Variants in GNB5 observed in about 807,000 individuals in gnomAD.
GNB5 encodes guanine nucleotide-binding protein subunit beta-5.
Under a neutral mutation model 55.3 loss-of-function variants are expected in GNB5, and 37 were observed. That is an observed-to-expected ratio of 0.67 (90% CI 0.51 to 0.88). The LOEUF (loss-of-function observed/expected upper bound fraction) is 0.88. Ranked by LOEUF, GNB5 falls within the 40% of genes least tolerant of loss-of-function variation. The pLI is 0.00. For synonymous variants in GNB5, 219 were observed against 198.5 expected (o/e 1.10, Z -0.87); for missense variants, 476 against 515.3 (o/e 0.92, Z 0.74).
In GNB5 at chr15:52,119,766, T is replaced by A. The variant is rs987247113; in HGVS notation, c.*2991A>T. ...GGGTGTGAATGAAGGCCAGCCCTCTTATGTCACCAAGGCATCCCTCTAACT... is the reference window on the plus strand; with the variant it reads ...GGGTGTGAATGAAGGCCAGCCCTCTAATGTCACCAAGGCATCCCTCTAACT... On this transcript the variant is annotated 3_prime_UTR_variant, in exon 13 of 13. Transcript: ENST00000261837. 2 of 152,024 alleles carry A rather than the reference T, an allele frequency of 1.3e-5. No individual in the cohort carries two copies. The highest frequency in any genetic ancestry group is 4.8e-5 in the African/African-American group (2 of 41,376). The allele number at this position is 152,024 out of a possible 1,614,324, so 9.4% of individuals were successfully genotyped here.
chr15:52,148,498 G>A (rs930414978), intron 5 of GNB5, among the ~76,000 whole-genome samples: 1 of 152,170 alleles, frequency 6.6e-6, no homozygotes, highest in African/African-American at 2.4e-5. Context: ...TCTTGGTGGT[G>A]GTAGAACCAG....
intron 10 of GNB5, among the ~76,000 whole-genome samples, chr15:52,126,639 T>C (rs8032818): frequency 0.29 from 44,122 of 152,076 alleles, 9,489 homozygotes; most frequent in African/African-American, 0.61. Context: ...TAATTTTTCT[T>C]TTTTATAAAT....
rs767758670 is a variant in GNB5, at chr15:52,184,582, T to C, written c.95A>G (p.Gln32Arg). The change falls in exon 2 of 13, where the codon CAA becomes CGA. Residue 32 changes from glutamine to arginine, a missense_variant. Coordinates refer to ENST00000261837, the MANE Select transcript of GNB5 (RefSeq NM_016194.4). ...TGCACATGTTGAACAGTAGCTGAGT[T>C]GTTGAGACTTCTTGAAAACTGGTCT... The part of the protein sequence containing the change: ...ALRPVFKKSQ[Q>R]LSYCSTCAEI... The C allele has an allele frequency of 2.5e-6, 4 of 1,613,608 alleles. No individual in the cohort carries two copies. The highest frequency in any genetic ancestry group is 3.4e-6 in the Non-Finnish European group (4 of 1,179,474).
chr15:52,118,446 G>C lies in GNB5; in HGVS notation c.*4311C>G, dbSNP rs766969672. On this transcript the variant is annotated 3_prime_UTR_variant, in exon 13 of 13. Coordinates refer to ENST00000261837, the MANE Select transcript of GNB5 (RefSeq NM_016194.4). The stretch of plus-strand genomic sequence containing the variant: ...ACTGGCATGGGAGAAAGATCACCTT[G>C]ATGGCTAATGGAACGTGTGCATCTG... The C allele has an allele frequency of 5.9e-5, 9 of 151,884 alleles. No individual in the cohort carries two copies. Among genetic ancestry groups the C allele is most frequent in the Non-Finnish European group, 1.3e-4 (9 of 67,990 alleles). The allele number at this position is 151,884 out of a possible 1,614,324, so 9.4% of individuals were successfully genotyped here.
chr15:52,125,002 A>C (rs1401195918), intron 11 of GNB5, among the ~76,000 whole-genome samples: 1 of 152,176 alleles, frequency 6.6e-6, no homozygotes, highest in Non-Finnish European at 1.5e-5. Context: ...TAAAGAGAGA[A>C]AGTTAAAGTG....
chr15:52,133,338 G>C (rs530303519), intron 9 of GNB5, 40 bp downstream of exon 9: 1 of 1,354,076 alleles, frequency 7.4e-7, no homozygotes, highest in Non-Finnish European at 1.1e-6. Flanking sequence ...AGGCAATGCC[G>C]GCAGAACAGA....
chr15:52,166,756 A>G (rs943395421), intron 3 of GNB5, among the ~76,000 whole-genome samples: 6 of 152,204 alleles, frequency 3.9e-5, no homozygotes, highest in African/African-American at 1.4e-4. Flanking sequence ...CAACAACCTA[A>G]CATCACAGCT....
At chr15:52,154,429 C>A (rs2034165954) in intron 3 of GNB5, among the ~76,000 whole-genome samples, 1 of 152,134 alleles carries the variant, frequency 6.6e-6, no homozygotes, top group African/African-American at 2.4e-5. Context: ...AAGAGGAGGG[C>A]AGGATGGGCA....
intron 6 of GNB5, among the ~76,000 whole-genome samples, chr15:52,143,504 G>C (rs7166828): frequency 0.053 from 8,068 of 152,256 alleles, 713 homozygotes; most frequent in East Asian, 0.42. Context: ...ATACCTGAAT[G>C]AAAGCTTCTT....
At chr15:52,147,190 G>A in intron 6 of GNB5, 2 of 212,326 alleles carry the variant, frequency 9.4e-6, no homozygotes, top group Non-Finnish European at 1.8e-5. Context: ...TTTTTAAAGA[G>A]ATGGGGTCTT....
chr15:52,158,392 T>C (rs2034260943), intron 3 of GNB5, among the ~76,000 whole-genome samples: 1 of 152,210 alleles, frequency 6.6e-6, no homozygotes. Flanking sequence ...TAATATTTAC[T>C]GAAGGAATAA....
intron 6 of GNB5, 85 bp downstream of exon 6, chr15:52,147,374 G>T: frequency 1.2e-6 from 1 of 815,968 alleles, no homozygotes. Context: ...CAAAAACTGT[G>T]AGTTCTTGTT....
chr15:52,190,078 TA>T (rs2034898041), intron 1 of GNB5, among the ~76,000 whole-genome samples: 1 of 151,966 alleles, frequency 6.6e-6, no homozygotes, highest in African/African-American at 2.4e-5. Context: ...TGATGGGTTT[TA>T]AAACATGAAA....
Position 52,122,513 on chromosome 15 carries a change from A to G in GNB5, c.*244T>C, listed in dbSNP as rs2033295827. 4.2e-6 allele frequency: 2 copies of G among 479,490 alleles called. No homozygotes were observed. The highest frequency in any genetic ancestry group is 2.0e-5 in the African/African-American group (1 of 51,250). 29.7% of individuals were successfully genotyped at this position (479,490 alleles called of 1,614,324 possible). On this transcript the variant is annotated 3_prime_UTR_variant, in exon 13 of 13. Transcript: ENST00000261837. The stretch of plus-strand genomic sequence containing the variant: ...AACCTTAAAAACAGATACATTTTAA[A>G]AAGTGTTCCAAAAGAAAAATACTGT...
chr15:52,133,801 C>T (rs1290445179), intron 8 of GNB5, among the ~76,000 whole-genome samples: 1 of 152,244 alleles, frequency 6.6e-6, no homozygotes, highest in Non-Finnish European at 1.5e-5. Context: ...TCTTTTCTCT[C>T]TTCTCTTTAT....
At chr15:52,184,716 G>T in intron 1 of GNB5, 22 bp from the exon 2 acceptor site, 1 of 1,598,430 alleles carries the variant, frequency 6.3e-7, no homozygotes, top group South Asian at 1.1e-5. Flanking sequence ...TGAAAAGAAG[G>T]GAGGGGGTGT....
chr15:52,155,128 C>T (rs2034179936), intron 3 of GNB5, among the ~76,000 whole-genome samples: 1 of 152,218 alleles, frequency 6.6e-6, no homozygotes, highest in Non-Finnish European at 1.5e-5. Context: ...GAAGCCAGGG[C>T]TCTGAACTGT....
At chr15:52,188,672 C>T (rs1415275630) in intron 1 of GNB5, among the ~76,000 whole-genome samples, 5 of 152,224 alleles carry the variant, frequency 3.3e-5, no homozygotes, top group Non-Finnish European at 7.3e-5. Flanking sequence ...TGAAGTTGCT[C>T]TGCAGTAGTT....
At position 52,165,650 on chromosome 15, in the gene GNB5, G is replaced by A. The variant is rs2034435915; in HGVS notation, c.239-11574C>T. On this transcript the variant is annotated intron_variant, in intron 3 of 12. Coordinates refer to ENST00000261837, the MANE Select transcript of GNB5 (RefSeq NM_016194.4). ...GATCTTTTTCAGACAAGCAAATGCT[G>A]AGGAAATTTATCACCACCAGGCCTG... Among the ~76,000 whole-genome samples, 3 of 152,242 alleles carry A rather than the reference G, an allele frequency of 2.0e-5. No homozygotes were observed. The South Asian group carries it at 6.2e-4, about 32-fold the overall frequency.
Sources: allele counts gnomAD v4.1 joint callset (sites outside exome capture counted in the v4.1 genomes callset), GRCh38; gene constraint gnomAD v4.1.1; transcripts MANE v1.5; gene names NCBI Gene and HGNC (gene_info 2026-07-23, HGNC 2026-07-21).